PDE1C: variants seen among roughly 807,000 people sequenced by gnomAD.
PDE1C encodes the protein phosphodiesterase 1C, also known as dual specificity calcium/calmodulin-dependent 3',5'-cyclic nucleotide phosphodiesterase 1C.
Under a neutral mutation model 93.1 loss-of-function variants are expected in PDE1C, and 62 were observed. The ratio of observed to expected loss-of-function variants is 0.67; its 90% CI spans 0.54 to 0.82. PDE1C has a LOEUF of 0.82. PDE1C is among the 40% of genes least tolerant of loss of function. The probability of loss-of-function intolerance (pLI) is 0.00; values close to 1 mark genes in which losing one functional copy is unlikely to be tolerated. For synonymous variants in PDE1C, 325 were observed against 310.1 expected, an observed-to-expected ratio of 1.05 and a Z score of -0.50; for missense variants, 742 against 884.6, an observed-to-expected ratio of 0.84 and a Z score of 2.04.
intron 2 of PDE1C, among the ~76,000 whole-genome samples, chr7:32,012,023 A>G (rs1787195773): frequency 6.6e-6 from 1 of 152,234 alleles, no homozygotes; most frequent in East Asian, 1.9e-4. Context: ...TGATATATGC[A>G]ACAACATGGA....
chr7:31,760,662 G>A (rs1373375356), intron 17 of PDE1C, among the ~76,000 whole-genome samples: 2 of 151,880 alleles, frequency 1.3e-5, no homozygotes, highest in African/African-American at 4.8e-5. Context: ...ACAAAAATAA[G>A]TGTTGGATAT....
At chr7:32,048,275 T>C (rs756684830) in intron 2 of PDE1C, among the ~76,000 whole-genome samples, 1 of 152,278 alleles carries the variant, frequency 6.6e-6, no homozygotes, top group Non-Finnish European at 1.5e-5. Context: ...TCCATTCTCT[T>C]GAATGGGTGG....
At chr7:32,008,124 C>T (rs1380030824) in intron 2 of PDE1C, among the ~76,000 whole-genome samples, 1 of 152,190 alleles carries the variant, frequency 6.6e-6, no homozygotes, top group African/African-American at 2.4e-5. Context: ...TGTGGCTATT[C>T]AGACCCAATC....
chr7:31,936,239 A>T (rs1805047105), intron 2 of PDE1C, among the ~76,000 whole-genome samples: 1 of 152,146 alleles, frequency 6.6e-6, no homozygotes, highest in Non-Finnish European at 1.5e-5. Context: ...CATAAAACCT[A>T]TCATGTGGGT....
chr7:32,252,980 A>G (rs1250445972), intron 1 of PDE1C, among the ~76,000 whole-genome samples: 3 of 152,228 alleles, frequency 2.0e-5, no homozygotes, highest in African/African-American at 7.2e-5. Context: ...TGAGTAGCAC[A>G]GTGGACAGGA....
intron 1 of PDE1C, among the ~76,000 whole-genome samples, chr7:32,359,193 T>A (rs918847788): frequency 1.3e-5 from 2 of 152,122 alleles, no homozygotes; most frequent in African/African-American, 2.4e-5. Flanking sequence ...CCTAGTAACT[T>A]TTCATCCTCC....
intron 7 of PDE1C, among the ~76,000 whole-genome samples, chr7:31,852,577 T>C (rs1793483058): frequency 6.6e-6 from 1 of 152,096 alleles, no homozygotes; most frequent in South Asian, 2.1e-4. Flanking sequence ...TAGAAACTTA[T>C]ATAACTCTCA....
intron 2 of PDE1C, among the ~76,000 whole-genome samples, chr7:31,882,839 T>C (rs528619398): frequency 1.3e-5 from 2 of 152,114 alleles, no homozygotes; most frequent in Non-Finnish European, 2.9e-5. Flanking sequence ...CTACCTATAA[T>C]AGAACTTCCC....
chr7:31,823,268 T>C lies in PDE1C; in HGVS notation c.1407-20A>G, dbSNP rs753581868. 10 of 1,597,538 alleles carry C rather than the reference T, an allele frequency of 6.3e-6. No homozygotes were observed. In the South Asian group the frequency reaches 7.9e-5, roughly 13 times the overall value. On this transcript the variant is annotated intron_variant, in intron 13 of 17. Transcript: ENST00000396191. ...TTCAAACTGGAAAACAAAAAAATCATACCAAAGAAGAGAGTTAGTGTTTGG... is the reference window on the plus strand; with the variant it reads ...TTCAAACTGGAAAACAAAAAAATCACACCAAAGAAGAGAGTTAGTGTTTGG...
chr7:32,010,656 A>G (rs1786954522), intron 2 of PDE1C, among the ~76,000 whole-genome samples: 1 of 152,230 alleles, frequency 6.6e-6, no homozygotes, highest in African/African-American at 2.4e-5. Flanking sequence ...TTGTCTTACA[A>G]TTATGGAGGC....
upstream of PDE1C, chr7:32,071,454 C>G (rs1039415013): frequency 3.1e-6 from 3 of 981,914 alleles, no homozygotes; most frequent in Non-Finnish European, 3.6e-6. Context: ...CTCTCTCGCT[C>G]GCGCTCTCTC....
chr7:32,125,982 A>G (rs1486469104), intron 3 of PDE1C, among the ~76,000 whole-genome samples: 4 of 152,170 alleles, frequency 2.6e-5, no homozygotes, highest in Non-Finnish European at 5.9e-5. Context: ...TAATAGATGC[A>G]GAATTGGAAC....
At chr7:32,208,305 G>A (rs935366931) in intron 2 of PDE1C, among the ~76,000 whole-genome samples, 1 of 152,132 alleles carries the variant, frequency 6.6e-6, no homozygotes, top group Non-Finnish European at 1.5e-5. Flanking sequence ...CTATGGCACT[G>A]TCCACACTCA....
At chr7:31,766,994 G>A (rs1249592553) in intron 17 of PDE1C, among the ~76,000 whole-genome samples, 1 of 152,028 alleles carries the variant, frequency 6.6e-6, no homozygotes, top group African/African-American at 2.4e-5. Flanking sequence ...CTGTCTGTGG[G>A]TGCCATCTCT....
At chr7:32,163,232 T>C (rs2128799574) in intron 3 of PDE1C, among the ~76,000 whole-genome samples, 1 of 152,220 alleles carries the variant, frequency 6.6e-6, no homozygotes, top group South Asian at 2.1e-4. Context: ...AACCCATGAC[T>C]CATCCCAGGG....
At position 32,350,570 on chromosome 7, in the gene PDE1C, ATATATATATATATATATATATTT is replaced by A. The variant is rs1162841587; in HGVS notation, c.310+77229_310+77251del. ...CTAATATATATATATATATATATAT[ATATATATATATATATATATATTT>A]TTTTTTTTTTTTTTATTATACTCTA... On this transcript the variant is annotated intron_variant, in intron 1 of 1. Transcript: ENST00000672256. Among the ~76,000 whole-genome samples the A allele has an allele frequency of 1.6e-3, 3 of 1,872 alleles. 1 individual carries two copies. The highest frequency in any genetic ancestry group is 2.0e-3 in the African/African-American group (3 of 1,518). 1.2% of individuals were successfully genotyped at this position (1,872 alleles called of 152,430 possible).
chr7:31,809,478 T>G (rs145085194), intron 15 of PDE1C, among the ~76,000 whole-genome samples: 3 of 152,088 alleles, frequency 2.0e-5, no homozygotes, highest in Non-Finnish European at 4.4e-5. Flanking sequence ...AAAATGGGTA[T>G]GTTAATACCT....
chr7:31,924,499 C>T (rs575598417), intron 2 of PDE1C, among the ~76,000 whole-genome samples: 4 of 152,330 alleles, frequency 2.6e-5, no homozygotes, highest in Admixed American at 6.5e-5. Context: ...TTATAGGCAT[C>T]ATGACTGGCA....
At chr7:32,118,487 C>T (rs56398105) in intron 3 of PDE1C, among the ~76,000 whole-genome samples, 17,065 of 152,212 alleles carry the variant, frequency 0.11, 1,116 homozygotes, top group Middle Eastern at 0.17. Flanking sequence ...CGTGACCTTC[C>T]TTTACCTTAT....
Sources: gnomAD v4.1 joint callset for allele counts (sites outside exome capture counted in the v4.1 genomes callset) on GRCh38, gnomAD v4.1.1 for gene constraint, MANE v1.5 for transcripts, NCBI Gene and HGNC (gene_info 2026-07-23, HGNC 2026-07-21) for gene names.